The following IREB2 variants were observed in gnomAD, a reference collection of about 807,000 sequenced individuals.
IREB2 encodes iron-responsive element-binding protein 2.
IREB2 carries 39 observed loss-of-function variants against 118.8 expected under a neutral mutation model. The ratio of observed to expected loss-of-function variants is 0.33; its 90% CI spans 0.25 to 0.43. The LOEUF (loss-of-function observed/expected upper bound fraction) is 0.43, where lower values mean the gene tolerates loss of function less well. IREB2 is among the 20% of genes least tolerant of loss of function. The pLI is 1.00. For synonymous variants in IREB2, 372 were observed against 392.2 expected, an observed-to-expected ratio of 0.95 and a Z score of 0.61; for missense variants, 900 against 1,147.3, an observed-to-expected ratio of 0.78 and a Z score of 3.11.
At chr15:78,480,772 G>T (rs949022211) in intron 10 of IREB2, among the ~76,000 whole-genome samples, 1 of 151,800 alleles carries the variant, frequency 6.6e-6, no homozygotes, top group Admixed American at 6.6e-5. Flanking sequence ...CACTTTGGGA[G>T]GCCGAAACAG....
intron 2 of IREB2, among the ~76,000 whole-genome samples, chr15:78,461,453 A>G (rs1285767809): frequency 6.6e-6 from 1 of 152,158 alleles, no homozygotes; most frequent in African/African-American, 2.4e-5. Context: ...AGGTTAACAA[A>G]TACCACTCCC....
intron 20 of IREB2, among the ~76,000 whole-genome samples, chr15:78,495,971 C>A (rs2051831598): frequency 6.6e-6 from 1 of 152,216 alleles, no homozygotes; most frequent in African/African-American, 2.4e-5. Flanking sequence ...GAATAAACCT[C>A]TACTCTTGTG....
At chr15:78,442,563 A>G (rs2050860564) in intron 2 of IREB2, among the ~76,000 whole-genome samples, 1 of 152,252 alleles carries the variant, frequency 6.6e-6, no homozygotes, top group Non-Finnish European at 1.5e-5. Context: ...GTTACAGAGT[A>G]AAGATAGTTG....
intron 8 of IREB2, 49 bp downstream of exon 8, chr15:78,473,430 T>TG (rs1336240142): frequency 1.3e-6 from 2 of 1,543,832 alleles, no homozygotes; most frequent in African/African-American, 2.8e-5. Flanking sequence ...ATTATTTTTA[T>TG]AAAAATTGAA....
At chr15:78,492,131 C>A (rs1222003357) in intron 18 of IREB2, among the ~76,000 whole-genome samples, 1 of 152,170 alleles carries the variant, frequency 6.6e-6, no homozygotes, top group African/African-American at 2.4e-5. Context: ...ATATTGTTGC[C>A]TCTGCATAAA....
intron 9 of IREB2, 86 bp from the exon 10 acceptor site, chr15:78,478,211 G>A: frequency 1.1e-6 from 1 of 880,168 alleles, no homozygotes; most frequent in Non-Finnish European, 1.8e-6. Flanking sequence ...TCCAGCCTGG[G>A]CAACAAAGTG....
At chr15:78,448,849 C>T (rs773600407) in intron 2 of IREB2, among the ~76,000 whole-genome samples, 20 of 152,326 alleles carry the variant, frequency 1.3e-4, no homozygotes, top group Non-Finnish European at 2.6e-4. Context: ...AGTCTTTCCC[C>T]CTTCCTTCAG....
chr15:78,469,393 A>T (rs1474534780), intron 5 of IREB2, among the ~76,000 whole-genome samples: 1 of 152,100 alleles, frequency 6.6e-6, no homozygotes, highest in East Asian at 1.9e-4. Context: ...AGATGACTCA[A>T]CTATGAATTA....
chr15:78,484,977 C>T (rs1731249039), intron 12 of IREB2, 57 bp downstream of exon 12: 3 of 1,497,884 alleles, frequency 2.0e-6, no homozygotes, highest in South Asian at 2.4e-5. Flanking sequence ...GTTGGCTTTT[C>T]TGTTATTGTA....
chr15:78,492,382 A>AAAAAATTACCAAGATTACCC (rs2051765445), intron 18 of IREB2, among the ~76,000 whole-genome samples: 1 of 152,160 alleles, frequency 6.6e-6, no homozygotes. Context: ...CAAGATTACC[A>AAAAAATTACCAAGATTACCC]AAAATAAAAT....
At chr15:78,491,686 CAG>C (rs1182158235) in intron 18 of IREB2, among the ~76,000 whole-genome samples, 1 of 151,962 alleles carries the variant, frequency 6.6e-6, no homozygotes, top group Admixed American at 6.6e-5. Flanking sequence ...TTAGTAGAGA[CAG>C]GGTTTCACCA....
At chr15:78,456,705 G>A (rs780490705) in intron 2 of IREB2, among the ~76,000 whole-genome samples, 15 of 150,558 alleles carry the variant, frequency 1.0e-4, no homozygotes, top group Admixed American at 6.6e-4. Flanking sequence ...GTGTTTTCTC[G>A]TAGCACTCTT....
intron 3 of IREB2, 60 bp from the exon 4 acceptor site, chr15:78,465,190 AT>A: frequency 7.6e-7 from 1 of 1,323,666 alleles, no homozygotes; most frequent in Non-Finnish European, 1.0e-6. Context: ...AAAGTTTATC[AT>A]TTATTAAGCA....
At chr15:78,488,932 A>G (rs549713662) in intron 16 of IREB2, among the ~76,000 whole-genome samples, 161 bp downstream of exon 16, 1 of 152,312 alleles carries the variant, frequency 6.6e-6, no homozygotes, top group Admixed American at 6.5e-5. Context: ...TTAAAAAGAA[A>G]ATGGCGGCTG....
chr15:78,456,513 G>A (rs73461579), intron 2 of IREB2, among the ~76,000 whole-genome samples: 6,438 of 151,836 alleles, frequency 0.042, 445 homozygotes, highest in African/African-American at 0.14. Context: ...AAAAAATTAC[G>A]AGAATCAGCT....
chr15:78,444,562 T>C (rs2050897464), intron 2 of IREB2, among the ~76,000 whole-genome samples: 2 of 152,106 alleles, frequency 1.3e-5, no homozygotes, highest in South Asian at 4.1e-4. Flanking sequence ...GGACTTAGTG[T>C]CCAAATCCTA....
chr15:78,464,988 C>T (rs1336036502), intron 3 of IREB2, among the ~76,000 whole-genome samples: 2 of 152,158 alleles, frequency 1.3e-5, no homozygotes, highest in African/African-American at 4.8e-5. Flanking sequence ...GTTTCACAGG[C>T]ATTTTCCCTG....
rs1032938563 is a variant in IREB2 at position 78,488,631 on chromosome 15, C to A, written c.1952-16C>A. ...TTATTTTTTTACTGAGTATCATGTT[C>A]AAAAATTTTAACCAGGTACTGACCC... On this transcript the variant is annotated splice_polypyrimidine_tract_variant and intron_variant, in intron 15 of 21. Transcript: ENST00000258886. 2 of 1,581,188 alleles carry A rather than the reference C, an allele frequency of 1.3e-6. No homozygotes were observed. The highest frequency in any genetic ancestry group is 2.7e-5 in the African/African-American group (2 of 72,814).
At chr15:78,440,525 A>G (rs1489424098) in intron 2 of IREB2, among the ~76,000 whole-genome samples, 2 of 152,088 alleles carry the variant, frequency 1.3e-5, no homozygotes, top group East Asian at 3.8e-4. Context: ...ACATTTATAT[A>G]AAAACATATT....
Sources: gnomAD v4.1 joint callset for allele counts (sites outside exome capture counted in the v4.1 genomes callset) on GRCh38, gnomAD v4.1.1 for gene constraint, MANE v1.5 for transcripts, NCBI Gene and HGNC (gene_info 2026-07-23, HGNC 2026-07-21) for gene names.